The following IGSF21 variants were observed in gnomAD, a reference collection of about 807,000 sequenced individuals.
The protein encoded by IGSF21 is immunoglobin superfamily member 21.
In IGSF21, 28 loss-of-function variants were observed where a neutral mutation model predicts 46.8. That is an observed-to-expected ratio of 0.60 (90% CI 0.44 to 0.82). IGSF21 has a LOEUF of 0.82. Ranked by LOEUF, IGSF21 falls within the 40% of genes least tolerant of loss-of-function variation. IGSF21 has a pLI of 0.00. For synonymous variants in IGSF21, 284 were observed against 273.6 expected (o/e 1.04, Z -0.38); for missense variants, 624 against 665.5 (o/e 0.94, Z 0.69).
chr1:18,152,318 T>C (rs2086528207), intron 1 of IGSF21, among the ~76,000 whole-genome samples: 1 of 152,190 alleles, frequency 6.6e-6, no homozygotes, highest in South Asian at 2.1e-4. Flanking sequence ...TTAACTGCGT[T>C]CCACTGCATG....
At chr1:18,237,874 A>G (rs1419892974) in intron 2 of IGSF21, among the ~76,000 whole-genome samples, 1 of 152,174 alleles carries the variant, frequency 6.6e-6, no homozygotes, top group Admixed American at 6.5e-5. Flanking sequence ...AGGGGATTCC[A>G]ATGTAATTAA....
intron 5 of IGSF21, among the ~76,000 whole-genome samples, chr1:18,363,603 A>T (rs1419119557): frequency 1.3e-5 from 2 of 151,946 alleles, no homozygotes; most frequent in Non-Finnish European, 2.9e-5. Flanking sequence ...GGCAGTGGGC[A>T]GGGGCACAGA....
At position 18,362,083 on chromosome 1, in the gene IGSF21, C is replaced by A. The variant is rs374662012; in HGVS notation, c.425-32C>A. 1.1e-5 allele frequency: 16 copies of A among 1,454,626 alleles called. No homozygotes were observed. In the African/African-American group the frequency reaches 1.5e-4, roughly 14 times the overall value. The allele number at this position is 1,454,626 out of a possible 1,614,324, so 90.1% of individuals were successfully genotyped here. On this transcript the variant is annotated intron_variant, in intron 4 of 9. Coordinates refer to ENST00000251296, the MANE Select transcript of IGSF21 (RefSeq NM_032880.5). The stretch of plus-strand genomic sequence containing the variant: ...ACTCTTCCTGAATCTCCCAGTTGAG[C>A]CCTTGTCTTCCTGTGCTTCCTTTTG...
chr1:18,297,410 T>C (rs2085321725), intron 3 of IGSF21, among the ~76,000 whole-genome samples: 1 of 151,890 alleles, frequency 6.6e-6, no homozygotes, highest in South Asian at 2.1e-4. Flanking sequence ...TTACCATATA[T>C]CAGGGACAAT....
chr1:18,272,399 A>AC (rs1322227639), intron 2 of IGSF21, among the ~76,000 whole-genome samples: 2 of 151,872 alleles, frequency 1.3e-5, no homozygotes, highest in Non-Finnish European at 1.5e-5. Flanking sequence ...CAGTCGCTTC[A>AC]CCCCTCCAGG....
chr1:18,165,757 A>G (rs755246733), intron 1 of IGSF21, among the ~76,000 whole-genome samples: 1 of 152,246 alleles, frequency 6.6e-6, no homozygotes, highest in Non-Finnish European at 1.5e-5. Context: ...TTTAGCCTAA[A>G]TATTTGCCCT....
chr1:18,365,696 G>A lies in IGSF21; in HGVS notation c.1014G>A (p.Leu338=). 1 of 1,607,888 alleles carries A rather than the reference G, an allele frequency of 6.2e-7. No homozygotes were observed. Among genetic ancestry groups the A allele is most frequent in the Non-Finnish European group, 8.5e-7 (1 of 1,175,744 alleles). ...LSMPMQAEVT[L]VAPKGPKIVM... ...TGCCCATGCAGGCAGAGGTCACGCT[G>A]GGTAAGACTTGGTGGGGGCCCTTCT... The change falls in exon 6 of 10, where the codon CTG becomes CTA. Residue 338 remains leucine (L), a splice_region_variant and synonymous_variant. Coordinates refer to ENST00000251296, the MANE Select transcript of IGSF21 (RefSeq NM_032880.5). This position sits in a 1 kb window ranked among gnomAD's most constrained non-coding sequence, Gnocchi z 4.8.
chr1:18,336,879 C>T lies in IGSF21; in HGVS notation c.424+1869C>T, dbSNP rs184750865. Among the ~76,000 whole-genome samples the T allele has an allele frequency of 2.1e-4, 32 of 152,348 alleles. No homozygotes were observed. The Middle Eastern group carries it at 0.01, about 49-fold the overall frequency. Reference sequence around the variant, plus strand: ...TCGCGGTGGAAGGTGAAAGACACATCTCACATGGTGGAAGACAAGAGAACT... The same window carrying T: ...TCGCGGTGGAAGGTGAAAGACACATTTCACATGGTGGAAGACAAGAGAACT... On this transcript the variant is annotated intron_variant, in intron 4 of 9. Coordinates refer to ENST00000251296, the MANE Select transcript of IGSF21 (RefSeq NM_032880.5).
intron 2 of IGSF21, among the ~76,000 whole-genome samples, chr1:18,235,076 C>T (rs1403856671): frequency 6.6e-6 from 1 of 152,190 alleles, no homozygotes; most frequent in Non-Finnish European, 1.5e-5. Flanking sequence ...TTCTCAGAGG[C>T]CACTAAAAAT....
At chr1:18,346,653 C>T (rs2085896216) in intron 4 of IGSF21, among the ~76,000 whole-genome samples, 1 of 152,188 alleles carries the variant, frequency 6.6e-6, no homozygotes, top group Non-Finnish European at 1.5e-5. Flanking sequence ...CACGTGATCT[C>T]ACTCAGCAGC....
intron 4 of IGSF21, among the ~76,000 whole-genome samples, chr1:18,342,201 C>G (rs2085850204): frequency 6.6e-6 from 1 of 152,078 alleles, no homozygotes; most frequent in Admixed American, 6.6e-5. Flanking sequence ...TCAAGAGATT[C>G]TCCTGCCTCA....
At chr1:18,363,564 A>G (rs975351469) in intron 5 of IGSF21, among the ~76,000 whole-genome samples, 6 of 151,362 alleles carry the variant, frequency 4.0e-5, no homozygotes, top group Non-Finnish European at 7.4e-5. Flanking sequence ...TAGGTGAGGC[A>G]GTGGGCAGGG....
At chr1:18,145,909 G>A (rs914702663) in intron 1 of IGSF21, among the ~76,000 whole-genome samples, 3 of 152,152 alleles carry the variant, frequency 2.0e-5, no homozygotes, top group Admixed American at 2.0e-4. Context: ...AGTGTTTCCA[G>A]GCTCTGGCTC....
At position 18,278,708 on chromosome 1, in the gene IGSF21, C is replaced by T. The variant is rs538050979; in HGVS notation, c.184-13158C>T. 901 of 400,440 alleles carry T rather than the reference C, an allele frequency of 2.3e-3. 13 individuals carry two copies. Among genetic ancestry groups the T allele is most frequent in the South Asian group, 0.013 (714 of 53,456 alleles). 24.8% of individuals were successfully genotyped at this position (400,440 alleles called of 1,614,324 possible). ...AGCTGGGACTACAGGCACATACCAC[C>T]ATGCCTGGCTAATTTTCTGATATTT... On this transcript the variant is annotated intron_variant, in intron 2 of 9. Transcript: ENST00000251296.
At chr1:18,288,762 G>A (rs1281241007) in intron 2 of IGSF21, among the ~76,000 whole-genome samples, 1 of 152,206 alleles carries the variant, frequency 6.6e-6, no homozygotes, top group African/African-American at 2.4e-5. Flanking sequence ...AGGGAGGAAG[G>A]AGTGTGTACC....
At chr1:18,291,011 A>G (rs1209115272) in intron 2 of IGSF21, among the ~76,000 whole-genome samples, 1 of 152,202 alleles carries the variant, frequency 6.6e-6, no homozygotes, top group Non-Finnish European at 1.5e-5. Context: ...GAAAAACTGC[A>G]GCCGAGTAAA....
chr1:18,332,369 C>T (rs907881389), intron 3 of IGSF21, among the ~76,000 whole-genome samples: 3 of 152,188 alleles, frequency 2.0e-5, no homozygotes, highest in African/African-American at 7.2e-5. Flanking sequence ...ACTCCTTTCA[C>T]CTACAAAAGT....
At chr1:18,279,921 G>A (rs1353442434) in intron 2 of IGSF21, among the ~76,000 whole-genome samples, 5 of 152,242 alleles carry the variant, frequency 3.3e-5, no homozygotes, top group Admixed American at 2.0e-4. Flanking sequence ...TGTGCACAGC[G>A]CCTGCTAAGT....
intron 1 of IGSF21, among the ~76,000 whole-genome samples, chr1:18,209,641 T>C (rs34602981): frequency 0.46 from 67,563 of 146,212 alleles, 16,096 homozygotes; most frequent in Non-Finnish European, 0.52. Context: ...TTTTTTTTTT[T>C]AGTAGAGACA....
Sources: allele counts gnomAD v4.1 joint callset (sites outside exome capture counted in the v4.1 genomes callset), GRCh38; gene constraint gnomAD v4.1.1; non-coding constraint Gnocchi (gnomAD v3.1); transcripts MANE v1.5; gene names NCBI Gene and HGNC (gene_info 2026-07-23, HGNC 2026-07-21).